The following SRFBP1 variants were observed in gnomAD, a reference collection of about 807,000 sequenced individuals.
The protein encoded by SRFBP1 is serum response factor-binding protein 1.
A neutral mutation model predicts 45.5 loss-of-function variants in SRFBP1; 47 were observed. That is an observed-to-expected ratio of 1.03 (90% CI 0.82 to 1.32). SRFBP1 has a LOEUF of 1.32. Among genes scored for constraint, SRFBP1 ranks in the 40% most tolerant of loss-of-function variants. The pLI is 0.00. For missense variants in SRFBP1, 621 were observed against 484.6 expected (o/e 1.28, Z -2.64); for synonymous variants, 203 against 166.3 (o/e 1.22, Z -1.70).
Position 121,974,112 on chromosome 5 carries a change from G to A in SRFBP1, c.37-84G>A, listed in dbSNP as rs1752253547. 2.3e-5 allele frequency: 21 copies of A among 898,156 alleles called. No individual in the cohort carries two copies. In the South Asian group the frequency reaches 3.2e-4, roughly 14 times the overall value. 55.6% of individuals were successfully genotyped at this position (898,156 alleles called of 1,614,324 possible). A position where few individuals can be genotyped will look rare whatever the true frequency, so the allele number is the denominator to read the frequency against. On this transcript the variant is annotated intron_variant, in intron 1 of 7. Transcript: ENST00000339397. ...AAAAGTAGTTAAAGTGGTAGACTAA[G>A]TCTCAAATATTAAGACTCAAAATAA...
chr5:121,964,582 C>G (rs1350840143), intron 1 of SRFBP1, among the ~76,000 whole-genome samples: 1 of 152,158 alleles, frequency 6.6e-6, no homozygotes, highest in East Asian at 1.9e-4. Flanking sequence ...TTTTCATTAT[C>G]CAGTCTATCA....
chr5:122,002,221 T>C (rs1208732931), intron 4 of SRFBP1, among the ~76,000 whole-genome samples: 1 of 152,188 alleles, frequency 6.6e-6, no homozygotes, highest in African/African-American at 2.4e-5. Flanking sequence ...TTTGTCCAGA[T>C]TAACACAATC....
chr5:122,046,956 A>T (rs1476102438), intron 2 of SRFBP1, among the ~76,000 whole-genome samples: 6 of 152,208 alleles, frequency 3.9e-5, no homozygotes, highest in African/African-American at 1.4e-4. Context: ...GCCCTTTGTC[A>T]GATGAGTAGG....
At chr5:122,014,580 T>C (rs919747701) in intron 4 of SRFBP1, among the ~76,000 whole-genome samples, 9 of 151,984 alleles carry the variant, frequency 5.9e-5, no homozygotes, top group African/African-American at 2.2e-4. Context: ...ATTAAAAAAA[T>C]CTTCATTCAT....
chr5:121,965,782 G>A (rs888483743), intron 1 of SRFBP1, among the ~76,000 whole-genome samples: 2 of 152,178 alleles, frequency 1.3e-5, no homozygotes, highest in African/African-American at 4.8e-5. Context: ...ACTTTGGGCA[G>A]TATGGCTGTT....
rs144674665 is a variant in SRFBP1, at chr5:122,073,079, C to T, written n.312-2236C>T. Among the ~76,000 whole-genome samples, 409 of 152,252 alleles carry T rather than the reference C, an allele frequency of 2.7e-3. 2 individuals carry two copies. Among genetic ancestry groups the T allele is most frequent in the African/African-American group, 9.1e-3 (379 of 41,548 alleles). On this transcript the variant is annotated intron_variant and non_coding_transcript_variant, in intron 2 of 2. Coordinates refer to the SRFBP1 transcript ENST00000504881. ...AGCTCAGAGAAAAAAGCAATGGTAACATTTAGGTCACCAAACAGCTTCCTG... is the reference window on the plus strand; with the variant it reads ...AGCTCAGAGAAAAAAGCAATGGTAATATTTAGGTCACCAAACAGCTTCCTG...
chr5:122,057,613 C>T (rs545287299), intron 2 of SRFBP1, among the ~76,000 whole-genome samples: 2 of 151,024 alleles, frequency 1.3e-5, no homozygotes, highest in East Asian at 1.9e-4. Flanking sequence ...TGGTGTGTGC[C>T]ACCACTCCTG....
intron 2 of SRFBP1, among the ~76,000 whole-genome samples, chr5:122,052,863 A>G (rs952532461): frequency 2.6e-5 from 4 of 151,840 alleles, no homozygotes; most frequent in African/African-American, 7.3e-5. Flanking sequence ...TCTCATTTGT[A>G]TGGGCTGATG....
intron 3 of SRFBP1, among the ~76,000 whole-genome samples, chr5:121,975,664 C>G (rs1752288550): frequency 6.6e-6 from 1 of 151,904 alleles, no homozygotes; most frequent in Non-Finnish European, 1.5e-5. Flanking sequence ...CCTCCTGCCT[C>G]AGGTTTTTAT....
At chr5:122,054,702 C>A (rs1169427239) in intron 2 of SRFBP1, among the ~76,000 whole-genome samples, 1 of 152,156 alleles carries the variant, frequency 6.6e-6, no homozygotes, top group East Asian at 1.9e-4. Flanking sequence ...TCTCAGCTTC[C>A]TTTCCTCCAC....
At chr5:122,077,061 T>C, downstream of SRFBP1, 1 of 1,596,396 alleles carries the variant, frequency 6.3e-7, no homozygotes, top group South Asian at 1.1e-5. This position sits in a 1 kb window ranked among gnomAD's most constrained non-coding sequence, Gnocchi z 4.9. Flanking sequence ...CCGCTCCAAC[T>C]CCCTACCCCT....
chr5:122,024,314 T>C (rs1395512201), intron 7 of SRFBP1, among the ~76,000 whole-genome samples: 2 of 152,224 alleles, frequency 1.3e-5, no homozygotes, highest in Non-Finnish European at 2.9e-5. Context: ...GTTATCTGTT[T>C]CCTTGCTACC....
chr5:122,000,113 C>T (rs970645524), intron 4 of SRFBP1, among the ~76,000 whole-genome samples: 2 of 151,758 alleles, frequency 1.3e-5, no homozygotes, highest in African/African-American at 4.8e-5. Flanking sequence ...TTTTAGTGTT[C>T]ACTCTACAGT....
intron 4 of SRFBP1, among the ~76,000 whole-genome samples, chr5:122,008,623 T>C (rs185771962): frequency 3.9e-5 from 6 of 152,308 alleles, no homozygotes; most frequent in African/African-American, 7.2e-5. Flanking sequence ...ACCTAGGTGC[T>C]GTAATCTCTC....
At chr5:122,023,542 G>A (rs754432628) in intron 7 of SRFBP1, among the ~76,000 whole-genome samples, 3 of 152,130 alleles carry the variant, frequency 2.0e-5, no homozygotes, top group Non-Finnish European at 2.9e-5. Context: ...GCACACAACA[G>A]GTCTACTATC....
chr5:122,076,830 A>G, downstream of SRFBP1: 4 of 1,437,602 alleles, frequency 2.8e-6, no homozygotes, highest in Non-Finnish European at 3.9e-6. Context: ...AGTCAGAACC[A>G]GGCACCAGAG....
chr5:121,967,116 T>C (rs551218046), intron 1 of SRFBP1, among the ~76,000 whole-genome samples: 1 of 152,180 alleles, frequency 6.6e-6, no homozygotes, highest in East Asian at 1.9e-4. Context: ...GATAGCAAAT[T>C]ACCATTAAGC....
At chr5:122,020,846 T>TA in intron 6 of SRFBP1, 44 bp downstream of exon 6, 1 of 1,434,846 alleles carries the variant, frequency 7.0e-7, no homozygotes, top group Non-Finnish European at 9.3e-7. Context: ...AGTTCTTTTT[T>TA]AAAAAGCTAT....
intron 2 of SRFBP1, among the ~76,000 whole-genome samples, chr5:122,039,669 A>G (rs1441327695): frequency 2.0e-5 from 3 of 152,110 alleles, no homozygotes; most frequent in African/African-American, 4.8e-5. Context: ...TGAAGTTTCT[A>G]TTTGCTGGGT....
Sources: allele counts gnomAD v4.1 joint callset (sites outside exome capture counted in the v4.1 genomes callset), GRCh38; gene constraint gnomAD v4.1.1; non-coding constraint Gnocchi (gnomAD v3.1); transcripts MANE v1.5; gene names NCBI Gene and HGNC (gene_info 2026-07-23, HGNC 2026-07-21).